The following SULT1E1 variants were observed in gnomAD, a reference collection of about 807,000 sequenced individuals.
SULT1E1 encodes sulfotransferase family 1E member 1, also known as sulfotransferase 1E1.
A neutral mutation model predicts 33.6 loss-of-function variants in SULT1E1; 36 were observed. The ratio of observed to expected loss-of-function variants is 1.07; its 90% confidence interval spans 0.82 to 1.41. The LOEUF is 1.41. SULT1E1 is among the 40% of genes most tolerant of loss of function. SULT1E1 has a pLI of 0.00. For synonymous variants in SULT1E1, 121 were observed against 111.7 expected (o/e 1.08, Z -0.53); for missense variants, 371 against 345.7 (o/e 1.07, Z -0.58).
chr4:69,832,344 C>G, the SULT1E1 span, among the ~76,000 whole-genome samples: 1 of 152,230 alleles, frequency 6.6e-6, no homozygotes, highest in Non-Finnish European at 1.5e-5. Flanking sequence ...GCCAATCTGT[C>G]ATCTCTCCCT....
At chr4:69,838,384 C>G (rs1417665492), downstream of SULT1E1, 1 of 151,854 alleles carries the variant, frequency 6.6e-6, no homozygotes, top group African/African-American at 2.4e-5. Context: ...CCAGAAAGAA[C>G]AGAATTCAAG....
chr4:69,835,620 A>G, the SULT1E1 span, among the ~76,000 whole-genome samples: 1 of 152,202 alleles, frequency 6.6e-6, no homozygotes, highest in African/African-American at 2.4e-5. Flanking sequence ...AATGTAGAAG[A>G]TAAATATTTA....
At chr4:69,857,141 G>C (rs1368240713) in intron 2 of SULT1E1, among the ~76,000 whole-genome samples, 1 of 152,088 alleles carries the variant, frequency 6.6e-6, no homozygotes, top group Admixed American at 6.6e-5. Context: ...TGAGCTGAAA[G>C]AGAGTTTTAG....
At chr4:69,829,169 T>C in the SULT1E1 span, among the ~76,000 whole-genome samples, 1 of 152,204 alleles carries the variant, frequency 6.6e-6, no homozygotes, top group Non-Finnish European at 1.5e-5. Context: ...TTGGCACCAC[T>C]GGGTGGATGG....
intron 5 of SULT1E1, 167 bp downstream of exon 5, chr4:69,849,270 T>G: frequency 1.6e-6 from 1 of 606,788 alleles, no homozygotes; most frequent in East Asian, 3.4e-5. Context: ...CTTCTACATC[T>G]GGACACAGTA....
the SULT1E1 span, among the ~76,000 whole-genome samples, chr4:69,832,682 C>T: frequency 6.6e-6 from 1 of 152,116 alleles, no homozygotes; most frequent in South Asian, 2.1e-4. Flanking sequence ...TCTTGCGACC[C>T]CCCCACCATG....
At chr4:69,830,993 GC>G in the SULT1E1 span, among the ~76,000 whole-genome samples, 2 of 152,168 alleles carry the variant, frequency 1.3e-5, no homozygotes, top group Non-Finnish European at 2.9e-5. Context: ...CTTGGGCACG[GC>G]CAGACCTGAG....
At chr4:69,838,672 G>A (rs916828807), downstream of SULT1E1, 2 of 152,246 alleles carry the variant, frequency 1.3e-5, no homozygotes, top group Non-Finnish European at 2.9e-5. Context: ...CAGAGGCCTA[G>A]CAGACAAGTA....
chr4:69,846,824 T>G (rs1235698467), intron 6 of SULT1E1, among the ~76,000 whole-genome samples: 1 of 151,632 alleles, frequency 6.6e-6, no homozygotes, highest in African/African-American at 2.4e-5. Context: ...AACAGGTATC[T>G]CATAGTGATT....
Position 69,844,349 on chromosome 4 carries a change from G to A in SULT1E1, c.592-8C>T. The A allele has an allele frequency of 6.3e-7, 1 of 1,587,190 alleles. No homozygotes were observed. Among genetic ancestry groups the A allele is most frequent in the African/African-American group, 1.4e-5 (1 of 73,936 alleles). ...CACCTCTTTTCTGATATCCTAGGGA[G>A]AGAAAATGTTTTGAGAACTAAATTG... On this transcript the variant is annotated splice_polypyrimidine_tract_variant and splice_region_variant and intron_variant, in intron 6 of 7. Transcript: ENST00000226444.
intron 6 of SULT1E1, among the ~76,000 whole-genome samples, chr4:69,845,032 A>T (rs1367330165): frequency 6.6e-6 from 1 of 152,074 alleles, no homozygotes; most frequent in Non-Finnish European, 1.5e-5. Context: ...CAACTTATTT[A>T]GGATAATATC....
Position 69,855,328 on chromosome 4 carries a change from C to G in SULT1E1, c.244G>C (p.Glu82Gln). ...DVIFNRIPFLECRKENLMNGV... is the reference protein window; with the variant it reads ...DVIFNRIPFLQCRKENLMNGV... ...TTCATGAGGTTTTCTTTTCTGCATT[C>G]CAGGAAAGGTATTCGATTAAAAATT... is the stretch of plus-strand genomic sequence containing the variant. The change falls in exon 3 of 8, where the codon GAA becomes CAA. Residue 82 changes from glutamate (E) to glutamine (Q), a missense_variant. Coordinates refer to ENST00000226444, the MANE Select transcript of SULT1E1 (RefSeq NM_005420.3). 1 of 1,612,750 alleles carries G rather than the reference C, an allele frequency of 6.2e-7. No homozygotes were observed. Among genetic ancestry groups the G allele is most frequent in the Non-Finnish European group, 8.5e-7 (1 of 1,179,304 alleles).
downstream of SULT1E1, among the ~76,000 whole-genome samples, chr4:69,838,737 G>A (rs924073995): frequency 6.6e-6 from 1 of 152,146 alleles, no homozygotes; most frequent in African/African-American, 2.4e-5. Flanking sequence ...TAGAGAGCAG[G>A]ACATAGAAGG....
chr4:69,847,824 G>A, intron 5 of SULT1E1, 32 bp from the exon 6 acceptor site: 1 of 1,440,100 alleles, frequency 6.9e-7, no homozygotes, highest in Non-Finnish European at 9.7e-7. Context: ...GTGTAAAAGT[G>A]GTATCATCTC....
At chr4:69,829,704 C>T in the SULT1E1 span, among the ~76,000 whole-genome samples, 2 of 152,204 alleles carry the variant, frequency 1.3e-5, no homozygotes, top group Non-Finnish European at 2.9e-5. Flanking sequence ...ATGTTGGACT[C>T]CTTGTCCTCC....
At chr4:69,838,488 C>T (rs1220726), downstream of SULT1E1, 18,583 of 152,134 alleles carry the variant, frequency 0.12, 1,260 homozygotes, top group Middle Eastern at 0.18. Flanking sequence ...TTCTGGCTTA[C>T]GAGGCTAAGG....
At chr4:69,855,653 C>T (rs1411962005) in intron 2 of SULT1E1, among the ~76,000 whole-genome samples, 40 of 152,126 alleles carry the variant, frequency 2.6e-4, no homozygotes, top group Admixed American at 6.6e-5. Context: ...CACCTGAGAC[C>T]TGTGTCCAAA....
intron 6 of SULT1E1, 55 bp downstream of exon 6, chr4:69,847,643 C>A (rs1578103263): frequency 1.8e-6 from 2 of 1,096,102 alleles, no homozygotes. Flanking sequence ...AGAGTATTTT[C>A]AAATGCTAAC....
At chr4:69,839,320 T>C (rs183419893), downstream of SULT1E1, among the ~76,000 whole-genome samples, 10 of 152,340 alleles carry the variant, frequency 6.6e-5, no homozygotes, top group East Asian at 1.5e-3. Flanking sequence ...AAAGGCATCA[T>C]ATGTGAGACA....
Sources: gnomAD v4.1 joint callset for allele counts (sites outside exome capture counted in the v4.1 genomes callset) on GRCh38, gnomAD v4.1.1 for gene constraint, MANE v1.5 for transcripts, NCBI Gene and HGNC (gene_info 2026-07-23, HGNC 2026-07-21) for gene names.